The following ZNF568 variants were observed in gnomAD, a reference collection of about 807,000 sequenced individuals.
The protein encoded by ZNF568 is zinc finger protein 568.
In ZNF568, 11 loss-of-function variants were observed where a neutral mutation model predicts 18.1. That is an observed-to-expected ratio of 0.61 (90% confidence interval 0.38 to 1.00). ZNF568 has a LOEUF of 1.00. ZNF568 is among the 50% of genes least tolerant of loss of function. The probability of loss-of-function intolerance (pLI) is 0.01; values close to 1 mark genes in which losing one functional copy is unlikely to be tolerated. For synonymous variants in ZNF568, 213 were observed against 246.6 expected (o/e 0.86, Z 1.28); for missense variants, 639 against 768.2 (o/e 0.83, Z 1.99).
downstream of ZNF568, among the ~76,000 whole-genome samples, chr19:36,981,114 T>G (rs2074327714): frequency 6.6e-6 from 1 of 152,218 alleles, no homozygotes; most frequent in African/African-American, 2.4e-5. Flanking sequence ...TGTACTTCAG[T>G]GGCAGTTCTG....
intron 6 of ZNF568, among the ~76,000 whole-genome samples, chr19:36,959,392 T>G (rs758718825): frequency 2.0e-5 from 3 of 152,214 alleles, no homozygotes; most frequent in Non-Finnish European, 4.4e-5. Context: ...ATCATTTTGC[T>G]GTGCTATTGG....
intron 7 of ZNF568, among the ~76,000 whole-genome samples, chr19:36,978,331 C>G (rs1183663314): frequency 2.3e-4 from 35 of 152,164 alleles, no homozygotes; most frequent in Admixed American, 2.3e-3. Context: ...ATTTCCTGCC[C>G]TGATTCCTGT....
intron 4 of ZNF568, among the ~76,000 whole-genome samples, chr19:36,935,107 C>T (rs1324467235): frequency 1.3e-5 from 2 of 152,080 alleles, no homozygotes; most frequent in Non-Finnish European, 2.9e-5. Context: ...CTTTTATAGA[C>T]TAACATATTT....
At chr19:36,944,128 G>A (rs1227859294) in intron 6 of ZNF568, among the ~76,000 whole-genome samples, 3 of 152,010 alleles carry the variant, frequency 2.0e-5, no homozygotes, top group South Asian at 2.1e-4. Context: ...GCCAGTCACG[G>A]TGGCTCATGA....
At chr19:36,991,596 G>A in intron 3 of ZNF568, 1 of 658,768 alleles carries the variant, frequency 1.5e-6, no homozygotes, top group Non-Finnish European at 2.4e-6. Flanking sequence ...TTTCTAATTA[G>A]ACAAGAAAGG....
intron 7 of ZNF568, among the ~76,000 whole-genome samples, chr19:36,975,948 C>G (rs57231148): frequency 0.013 from 1,996 of 152,154 alleles, 47 homozygotes; most frequent in African/African-American, 0.045. Context: ...CCTGCCTCGG[C>G]CTCCCAAAGT....
intron 7 of ZNF568, among the ~76,000 whole-genome samples, chr19:36,977,925 T>TG (rs1282799604): frequency 1.3e-5 from 2 of 152,220 alleles, no homozygotes; most frequent in Non-Finnish European, 2.9e-5. Context: ...ACTGGCAACC[T>TG]GGGGTCCCCC....
At chr19:36,942,345 A>G (rs543711639) in intron 6 of ZNF568, among the ~76,000 whole-genome samples, 12 of 151,772 alleles carry the variant, frequency 7.9e-5, no homozygotes, top group African/African-American at 2.9e-4. Flanking sequence ...CACGCCTGTA[A>G]TCCTAGCACT....
intron 6 of ZNF568, among the ~76,000 whole-genome samples, chr19:36,939,198 ATGCT>A (rs1260018142): frequency 6.6e-6 from 1 of 152,142 alleles, no homozygotes; most frequent in Non-Finnish European, 1.5e-5. Flanking sequence ...CCATCTTCCT[ATGCT>A]AACAAACTGC....
At chr19:36,933,924 G>GTTTTTTTTT (rs140279289) in intron 4 of ZNF568, among the ~76,000 whole-genome samples, 37 of 29,890 alleles carry the variant, frequency 1.2e-3, no homozygotes, top group African/African-American at 2.2e-3. Flanking sequence ...TTGTTTTTTT[G>GTTTTTTTTT]TTTTTTTTTT....
At chr19:36,997,423 C>G, downstream of ZNF568, 1 of 1,584,722 alleles carries the variant, frequency 6.3e-7, no homozygotes, top group Non-Finnish European at 8.6e-7. Context: ...TAGCACAGAA[C>G]TTGTTCGACA....
intron 6 of ZNF568, among the ~76,000 whole-genome samples, chr19:36,946,649 C>CTTTTTTTTTTTTTTTTT (rs33950985): frequency 2.7e-5 from 3 of 110,444 alleles, no homozygotes; most frequent in African/African-American, 3.6e-5. Flanking sequence ...TTTTTGTTTC[C>CTTTTTTTTTTTTTTTTT]TTTTTTTTTT....
Position 36,951,070 on chromosome 19 carries a change from G to A in ZNF568, c.1917G>A (p.Glu639=). 6.5e-7 allele frequency: 1 copy of A among 1,546,282 alleles called. No individual in the cohort carries two copies. Among genetic ancestry groups the A allele is most frequent in the Non-Finnish European group, 8.7e-7 (1 of 1,151,462 alleles). ...LSIHKRGHTG[E]RHQVY Reference sequence around the variant, plus strand: ...TACATAAGAGAGGTCATACAGGTGAGAGACACCAAGTATATTAAATGAAAG... The same window carrying A: ...TACATAAGAGAGGTCATACAGGTGAAAGACACCAAGTATATTAAATGAAAG... The change falls in exon 7 of 7, where the codon GAG becomes GAA. Residue 639 remains glutamate (E), a synonymous_variant. Coordinates refer to ENST00000333987, the MANE Select transcript of ZNF568 (RefSeq NM_198539.4).
chr19:36,991,869 G>T, intron 4 of ZNF568: 1 of 1,545,554 alleles, frequency 6.5e-7, no homozygotes, highest in Non-Finnish European at 8.7e-7. Context: ...GAACTGGAAT[G>T]GGGAGGCCAT....
intron 2 of ZNF568, chr19:36,991,053 G>A: frequency 9.8e-7 from 1 of 1,023,174 alleles, no homozygotes; most frequent in Non-Finnish European, 1.4e-6. Context: ...TGTTGAAGGA[G>A]CCAGTATGGC....
At chr19:36,917,102 C>T (rs1050843482) in intron 1 of ZNF568, among the ~76,000 whole-genome samples, 4 of 152,172 alleles carry the variant, frequency 2.6e-5, no homozygotes, top group African/African-American at 9.7e-5. Flanking sequence ...TGCCATACAA[C>T]AGCAAGTCCT....
chr19:36,933,132 G>T, intron 4 of ZNF568, among the ~76,000 whole-genome samples: 2 of 125,488 alleles, frequency 1.6e-5, no homozygotes, highest in Non-Finnish European at 3.2e-5. Flanking sequence ...TTACAACTAT[G>T]TATTCTGAGA....
At chr19:36,939,210 T>C (rs2073837971) in intron 6 of ZNF568, among the ~76,000 whole-genome samples, 1 of 152,202 alleles carries the variant, frequency 6.6e-6, no homozygotes. Context: ...GCTAACAAAC[T>C]GCTTATATAA....
intron 7 of ZNF568, among the ~76,000 whole-genome samples, chr19:36,977,417 G>C (rs1423258460): frequency 6.6e-6 from 1 of 151,792 alleles, no homozygotes; most frequent in Non-Finnish European, 1.5e-5. Flanking sequence ...TTTTTGTTTT[G>C]TTTTGTTTTG....
Sources: gnomAD v4.1 joint callset for allele counts (sites outside exome capture counted in the v4.1 genomes callset) on GRCh38, gnomAD v4.1.1 for gene constraint, MANE v1.5 for transcripts, NCBI Gene and HGNC (gene_info 2026-07-23, HGNC 2026-07-21) for gene names.